NTRK2: variants seen among roughly 807,000 people sequenced by gnomAD.
NTRK2 encodes the protein neurotrophic receptor tyrosine kinase 2.
NTRK2 carries 13 observed loss-of-function variants against 94.5 expected under a neutral mutation model. The ratio of observed to expected loss-of-function variants is 0.14; its 90% CI spans 0.09 to 0.22. NTRK2 has a LOEUF of 0.22. Ranked by LOEUF, NTRK2 falls within the 10% of genes least tolerant of loss-of-function variation. NTRK2 has a pLI of 1.00. For synonymous variants in NTRK2, 372 were observed against 407.4 expected (o/e 0.91, Z 1.05); for missense variants, 639 against 1,071.2 (o/e 0.60, Z 5.63).
At chr9:84,858,900 A>G (rs2075198221) in intron 12 of NTRK2, among the ~76,000 whole-genome samples, 1 of 152,200 alleles carries the variant, frequency 6.6e-6, no homozygotes, top group Non-Finnish European at 1.5e-5. Context: ...ATGATTTGAC[A>G]TCAGAAGATA....
intron 17 of NTRK2, among the ~76,000 whole-genome samples, chr9:85,004,556 T>G (rs2378673): frequency 0.73 from 110,561 of 151,546 alleles, 40,962 homozygotes; most frequent in African/African-American, 0.82. Context: ...ACGTGTTTTG[T>G]TATAAACGAA....
At chr9:84,909,250 T>C (rs775623311) in intron 14 of NTRK2, among the ~76,000 whole-genome samples, 32 of 152,180 alleles carry the variant, frequency 2.1e-4, no homozygotes, top group Non-Finnish European at 3.5e-4. Flanking sequence ...TGTGTATCAG[T>C]AGTTTGTTTC....
At chr9:85,006,455 C>A (rs370659526) in intron 17 of NTRK2, among the ~76,000 whole-genome samples, 11 of 150,594 alleles carry the variant, frequency 7.3e-5, no homozygotes, top group African/African-American at 2.0e-4. Context: ...CAAGGTGAGC[C>A]GCTCCTGCCT....
In NTRK2 at chr9:84,700,802, T is replaced by C. The variant is rs1026204884; in HGVS notation, c.213-1357T>C. Among the ~76,000 whole-genome samples the C allele has an allele frequency of 4.6e-5, 7 of 152,312 alleles. No homozygotes were observed. In the South Asian group the frequency reaches 8.3e-4, roughly 18 times the overall value. On this transcript the variant is annotated intron_variant, in intron 2 of 18. Transcript: ENST00000277120. ...TGTTTTCAGTGTCTTAATTGGAATA[T>C]GTTATATATCTTAAATTTTTTCAAA...
At chr9:84,877,997 C>G in intron 14 of NTRK2, 1 of 967,822 alleles carries the variant, frequency 1.0e-6, no homozygotes, top group South Asian at 4.8e-5. Flanking sequence ...GCACCACGAA[C>G]AGAGCTCTAG....
chr9:84,731,944 G>A (rs375965220), intron 9 of NTRK2, among the ~76,000 whole-genome samples: 31 of 152,246 alleles, frequency 2.0e-4, no homozygotes, highest in Admixed American at 7.2e-4. Context: ...CCAAGCCAGC[G>A]CCCTTCCCCA....
At chr9:84,852,473 T>C (rs2131895513) in intron 12 of NTRK2, among the ~76,000 whole-genome samples, 1 of 152,322 alleles carries the variant, frequency 6.6e-6, no homozygotes, top group East Asian at 1.9e-4. Flanking sequence ...AAATCTTTGA[T>C]ATGACTTTCT....
intron 14 of NTRK2, among the ~76,000 whole-genome samples, chr9:84,888,611 CAAAAAAAAAAAAAAAAAAAAAA>C (rs71369158): frequency 3.2e-4 from 11 of 33,848 alleles, no homozygotes; most frequent in South Asian, 2.5e-3. Flanking sequence ...CACTCCATCT[CAAAAAAAAAAAAAAAAAAAAAA>C]AAAAAAAAAA....
At chr9:84,997,760 G>C (rs557621984) in intron 17 of NTRK2, among the ~76,000 whole-genome samples, 2 of 152,284 alleles carry the variant, frequency 1.3e-5, no homozygotes, top group South Asian at 4.1e-4. Flanking sequence ...AGTAATGCTG[G>C]GTCTGGGAAA....
chr9:84,675,904 G>A (rs757448270), intron 2 of NTRK2, among the ~76,000 whole-genome samples: 5 of 152,130 alleles, frequency 3.3e-5, no homozygotes, highest in African/African-American at 7.2e-5. Flanking sequence ...CACTTACTTT[G>A]CTCTCTGGGG....
chr9:84,737,791 C>T (rs189029579), intron 9 of NTRK2, among the ~76,000 whole-genome samples: 1 of 148,388 alleles, frequency 6.7e-6, no homozygotes, highest in Admixed American at 6.6e-5. Context: ...CCTTCCCCCC[C>T]ATCCGTCTCT....
intron 4 of NTRK2, among the ~76,000 whole-genome samples, chr9:84,703,646 T>C (rs535669940): frequency 6.6e-6 from 1 of 152,328 alleles, no homozygotes; most frequent in African/African-American, 2.4e-5. Flanking sequence ...GTTGATATTA[T>C]GGAAAATATT....
intron 15 of NTRK2, among the ~76,000 whole-genome samples, chr9:84,939,568 T>G (rs575702826): frequency 3.9e-5 from 6 of 152,226 alleles, no homozygotes; most frequent in African/African-American, 1.4e-4. Flanking sequence ...TTTTCCCAAG[T>G]AGAAATTTAA....
chr9:84,918,081 G>A (rs944553596), intron 14 of NTRK2, among the ~76,000 whole-genome samples: 11 of 152,324 alleles, frequency 7.2e-5, no homozygotes, highest in African/African-American at 2.6e-4. Context: ...AGTGGAGGCT[G>A]TAGCTATGTT....
chr9:84,959,409 C>T (rs1021418393), intron 17 of NTRK2, among the ~76,000 whole-genome samples: 2 of 152,156 alleles, frequency 1.3e-5, no homozygotes, highest in Non-Finnish European at 2.9e-5. Context: ...AAGAACCATT[C>T]CCACTAGAAG....
chr9:84,802,212 T>A (rs1284050759), intron 12 of NTRK2, among the ~76,000 whole-genome samples: 1 of 152,244 alleles, frequency 6.6e-6, no homozygotes, highest in Non-Finnish European at 1.5e-5. Flanking sequence ...ATTTTTAGCA[T>A]GGTCACCATA....
At chr9:84,849,199 G>C (rs975911770) in intron 12 of NTRK2, among the ~76,000 whole-genome samples, 6 of 152,106 alleles carry the variant, frequency 3.9e-5, no homozygotes, top group Admixed American at 2.0e-4. Context: ...TGGCAGGGGG[G>C]ACTCTATTCA....
chr9:84,759,748 C>T (rs547172297), intron 12 of NTRK2, among the ~76,000 whole-genome samples: 2 of 152,294 alleles, frequency 1.3e-5, no homozygotes, highest in South Asian at 4.1e-4. Context: ...TTTCCCCCTT[C>T]ACTTCTCTTT....
At chr9:84,751,364 G>C (rs1342998838) in intron 11 of NTRK2, among the ~76,000 whole-genome samples, 1 of 152,108 alleles carries the variant, frequency 6.6e-6, no homozygotes, top group Non-Finnish European at 1.5e-5. Flanking sequence ...AGAATTCCTT[G>C]AGCCCGGGAT....
Sources: allele counts gnomAD v4.1 joint callset (sites outside exome capture counted in the v4.1 genomes callset), GRCh38; gene constraint gnomAD v4.1.1; transcripts MANE v1.5; gene names NCBI Gene and HGNC (gene_info 2026-07-23, HGNC 2026-07-21).